Variants in ZNF506 observed in about 807,000 individuals in gnomAD.
ZNF506 encodes the protein zinc finger protein 506.
Under a neutral mutation model 11.6 loss-of-function variants are expected in ZNF506, and 10 were observed. The observed-to-expected ratio is 0.86, with a 90% CI of 0.53 to 1.46. The LOEUF (loss-of-function observed/expected upper bound fraction) is 1.46. ZNF506 is among the 40% of genes most tolerant of loss of function. ZNF506 has a pLI of 0.00. For synonymous variants in ZNF506, 156 were observed against 173.3 expected, an observed-to-expected ratio of 0.90 and a Z score of 0.78; for missense variants, 425 against 521.2, an observed-to-expected ratio of 0.82 and a Z score of 1.80.
At chr19:19,805,945 A>T (rs1326780307) in intron 3 of ZNF506, 86 bp downstream of exon 3, 1 of 1,177,952 alleles carries the variant, frequency 8.5e-7, no homozygotes, top group Non-Finnish European at 1.2e-6. Flanking sequence ...ACAGCTTCCC[A>T]AATCACATTT....
rs3062863 is a variant in ZNF506 at position 19,800,391 on chromosome 19, A to AATAT, written c.227-4735_227-4732dup. On this transcript the variant is annotated intron_variant, in intron 3 of 3. Coordinates refer to ENST00000540806, the MANE Select transcript of ZNF506 (RefSeq NM_001099269.3). ...CAACATAATTAATATAACTAAACAG[A>AATAT]ATATATATATATATATATATATTTA... Among the ~76,000 whole-genome samples, 346 of 139,234 alleles carry AATAT rather than the reference A, an allele frequency of 2.5e-3. 8 individuals are homozygous for AATAT. Among genetic ancestry groups the AATAT allele is most frequent in the African/African-American group, 8.3e-3 (315 of 37,816 alleles). 91.3% of individuals were successfully genotyped at this position (139,234 alleles called of 152,430 possible).
chr19:19,804,877 G>A (rs940988272), intron 3 of ZNF506, among the ~76,000 whole-genome samples: 10 of 151,472 alleles, frequency 6.6e-5, no homozygotes, highest in Non-Finnish European at 1.5e-4. Flanking sequence ...GGTGGGAATT[G>A]AACAATGAGA....
At chr19:19,816,179 TCTTTTC>T (rs2062929359) in intron 1 of ZNF506, among the ~76,000 whole-genome samples, 1 of 151,622 alleles carries the variant, frequency 6.6e-6, no homozygotes, top group African/African-American at 2.4e-5. Context: ...ATATTTCTTT[TCTTTTC>T]TTTTCTTTTT....
rs1198460225 is a variant in ZNF506, at chr19:19,795,602, G to C, written c.285C>G (p.Phe95Leu). ...CATATCTTCTTAGTATCACTTTTTGGAAAGAATCTTTTATGCTCTGCTCTG... is the reference window on the plus strand; with the variant it reads ...CATATCTTCTTAGTATCACTTTTTGCAAAGAATCTTTTATGCTCTGCTCTG... ...LWSEQSIKDSFQKVILRRYEK... is the reference protein window; with the variant it reads ...LWSEQSIKDSLQKVILRRYEK... The change falls in exon 4 of 4, where the codon TTC becomes TTG. Residue 95 changes from phenylalanine to leucine, a missense_variant. By Grantham distance (22) the Phe-to-Leu change is conservative (BLOSUM62 0). Around this residue, in one of 3 missense-constraint regions of ZNF506, gnomAD observed 226 missense variants for 279.1 expected, o/e 0.81. Transcript: ENST00000540806. 2 of 1,559,916 alleles carry C rather than the reference G, an allele frequency of 1.3e-6. No homozygotes were observed. Among genetic ancestry groups the C allele is most frequent in the Admixed American group, 4.1e-5 (2 of 48,298 alleles).
At chr19:19,815,634 A>G (rs2062924370) in intron 1 of ZNF506, among the ~76,000 whole-genome samples, 1 of 152,122 alleles carries the variant, frequency 6.6e-6, no homozygotes, top group Non-Finnish European at 1.5e-5. Flanking sequence ...CAATTCTCCA[A>G]CACTAACTTA....
intron 3 of ZNF506, among the ~76,000 whole-genome samples, chr19:19,800,224 T>C (rs1042891058): frequency 6.6e-6 from 1 of 151,876 alleles, no homozygotes; most frequent in African/African-American, 2.4e-5. Context: ...GTATGAGATA[T>C]ATAAAGCAGT....
intron 3 of ZNF506, chr19:19,796,235 C>G (rs1238948031): frequency 1.3e-5 from 2 of 153,086 alleles, no homozygotes; most frequent in African/African-American, 4.8e-5. Flanking sequence ...GAGCCAAGAT[C>G]ATGCCATTGT....
At chr19:19,817,951 C>T (rs924590916) in intron 1 of ZNF506, among the ~76,000 whole-genome samples, 1 of 151,864 alleles carries the variant, frequency 6.6e-6, no homozygotes. Flanking sequence ...CCTCAGCCTC[C>T]CAAGTAGCTG....
In ZNF506 at chr19:19,795,296, T is replaced by C. The variant is rs749094697; in HGVS notation, c.591A>G (p.Gly197=). Residue 197 remains glycine, a synonymous_variant, in exon 4 of 4, where the codon GGA becomes GGG. Coordinates refer to ENST00000540806, the MANE Select transcript of ZNF506 (RefSeq NM_001099269.3). ...ATTCTTCACATTTATAGCGTTTCTC[T>C]CCAGCATCAATTTTCTTATATGTAG... The part of the protein sequence containing the change: ...TRTTYKKIDA[G]EKRYKCEECG... 4 of 1,614,020 alleles carry C rather than the reference T, an allele frequency of 2.5e-6. No individual in the cohort carries two copies. Among genetic ancestry groups the C allele is most frequent in the Non-Finnish European group, 3.4e-6 (4 of 1,179,982 alleles).
chr19:19,809,113 C>A (rs1239506600), intron 1 of ZNF506, among the ~76,000 whole-genome samples: 1 of 152,138 alleles, frequency 6.6e-6, no homozygotes, highest in Admixed American at 6.5e-5. Flanking sequence ...TACTAAGGAC[C>A]AGAGTTTTAC....
chr19:19,803,877 T>C (rs1437251831), intron 3 of ZNF506, among the ~76,000 whole-genome samples: 1 of 152,140 alleles, frequency 6.6e-6, no homozygotes, highest in African/African-American at 2.4e-5. Context: ...ATAAATCCAT[T>C]GAAATAGAAA....
At chr19:19,817,699 T>C (rs1176684023) in intron 1 of ZNF506, among the ~76,000 whole-genome samples, 1 of 152,204 alleles carries the variant, frequency 6.6e-6, no homozygotes, top group Non-Finnish European at 1.5e-5. Context: ...ACATTAGCCT[T>C]AGCTTGGAGT....
At chr19:19,795,933 T>C in intron 3 of ZNF506, 1 of 403,906 alleles carries the variant, frequency 2.5e-6, no homozygotes, top group Non-Finnish European at 4.6e-6. Context: ...AAGAAAAGTC[T>C]GTTACTTATA....
chr19:19,810,794 T>G (rs542674426), intron 1 of ZNF506, among the ~76,000 whole-genome samples: 1 of 152,352 alleles, frequency 6.6e-6, no homozygotes, highest in African/African-American at 2.4e-5. Flanking sequence ...TACTTTATTT[T>G]TCTCATTTAT....
chr19:19,802,274 C>T (rs2062801315), intron 3 of ZNF506, among the ~76,000 whole-genome samples: 1 of 151,352 alleles, frequency 6.6e-6, no homozygotes, highest in Admixed American at 6.6e-5. Flanking sequence ...TCATTAAATG[C>T]AGGTATTTTG....
chr19:19,792,780 CT>C lies in ZNF506; in HGVS notation c.*1771del, dbSNP rs2145165061. On this transcript the variant is annotated 3_prime_UTR_variant, in exon 4 of 4. Transcript: ENST00000540806. ...TTGAAAAAAAAAGTTTTAAAATGGTCTGCCAACATGTTAATGTAGGTTAGGC... is the reference window on the plus strand; with the variant it reads ...TTGAAAAAAAAAGTTTTAAAATGGTCGCCAACATGTTAATGTAGGTTAGGC... Among the ~76,000 whole-genome samples, 1 of 151,634 alleles carries C rather than the reference CT, an allele frequency of 6.6e-6. No individual in the cohort carries two copies. Among genetic ancestry groups the C allele is most frequent in the South Asian group, 2.1e-4 (1 of 4,802 alleles).
At chr19:19,820,272 A>G (rs1336981694) in intron 1 of ZNF506, 1 of 152,108 alleles carries the variant, frequency 6.6e-6, no homozygotes, top group Admixed American at 6.6e-5. Flanking sequence ...AAAAAACAAA[A>G]CTCAAGTGTA....
At chr19:19,819,557 AG>A (rs985198747) in intron 1 of ZNF506, among the ~76,000 whole-genome samples, 2 of 152,150 alleles carry the variant, frequency 1.3e-5, no homozygotes, top group African/African-American at 4.8e-5. Context: ...GTTTATCCCC[AG>A]AAAGTACTAA....
chr19:19,814,436 A>ATAATAATAATAATAATAATAATAG (rs754283632), intron 1 of ZNF506, among the ~76,000 whole-genome samples: 22 of 149,530 alleles, frequency 1.5e-4, no homozygotes, highest in African/African-American at 5.0e-4. Context: ...AATAATAATA[A>ATAATAATAATAATAATAATAATAG]TGCAGAAACA....
Sources: allele counts gnomAD v4.1 joint callset (sites outside exome capture counted in the v4.1 genomes callset), GRCh38; gene constraint gnomAD v4.1.1; regional missense constraint gnomAD v4.1.1; transcripts MANE v1.5; gene names NCBI Gene and HGNC (gene_info 2026-07-23, HGNC 2026-07-21).